STUM: variants seen among roughly 807,000 people sequenced by gnomAD.
STUM encodes the protein protein stum homolog.
A neutral mutation model predicts 15.3 loss-of-function variants in STUM; 8 were observed. That is an observed-to-expected ratio of 0.52 (90% CI 0.31 to 0.94). The LOEUF (loss-of-function observed/expected upper bound fraction) is 0.94. STUM is among the 40% of genes least tolerant of loss of function. The pLI, the probability that STUM is intolerant of heterozygous loss-of-function variation, is 0.05. For missense variants in STUM, 142 were observed against 204.9 expected (o/e 0.69, Z 1.87); for synonymous variants, 78 against 88.7 (o/e 0.88, Z 0.68).
chr1:226,574,022 G>A (rs1044302099), intron 1 of STUM, among the ~76,000 whole-genome samples: 1 of 152,170 alleles, frequency 6.6e-6, no homozygotes, highest in African/African-American at 2.4e-5. Flanking sequence ...TTTTAGTAGA[G>A]ATGGGGTTTT....
intron 1 of STUM, among the ~76,000 whole-genome samples, chr1:226,577,408 A>G (rs975518701): frequency 6.6e-6 from 1 of 152,182 alleles, no homozygotes; most frequent in African/African-American, 2.4e-5. Flanking sequence ...CATGGAGAAG[A>G]CCAGGAATGA....
Position 226,604,108 on chromosome 1 carries a change from C to T in STUM, c.*2068C>T, listed in dbSNP as rs1353925105. ...CACAGCCCCCAGAGTTTGCCCGACA[C>T]CCCCTGAGTGATGACAGGTCTCAGG... On this transcript the variant is annotated 3_prime_UTR_variant, in exon 4 of 4. Transcript: ENST00000366788. This position sits in a 1 kb window ranked among gnomAD's most constrained non-coding sequence, Gnocchi z 4.7. 1 of 152,194 alleles carries T rather than the reference C, an allele frequency of 6.6e-6. No homozygotes were observed. Among genetic ancestry groups the T allele is most frequent in the Non-Finnish European group, 1.5e-5 (1 of 68,052 alleles). 9.4% of individuals were successfully genotyped at this position (152,194 alleles called of 1,614,324 possible). A position where few individuals can be genotyped will look rare whatever the true frequency, so the allele number is the denominator to read the frequency against.
intron 1 of STUM, among the ~76,000 whole-genome samples, chr1:226,580,157 G>T (rs577026781): frequency 3.9e-5 from 6 of 152,274 alleles, no homozygotes; most frequent in Non-Finnish European, 7.4e-5. Flanking sequence ...TCTCAGATGG[G>T]CTGTGTGGGA....
chr1:226,587,801 T>G (rs577294481), intron 1 of STUM, among the ~76,000 whole-genome samples: 5 of 152,102 alleles, frequency 3.3e-5, no homozygotes, highest in African/African-American at 4.8e-5. Flanking sequence ...ATGGAAAGAT[T>G]TAAGCCATAA....
At position 226,592,345 on chromosome 1, in the gene STUM, A is replaced by C. The variant is rs581400; in HGVS notation, c.203-4457A>C. On this transcript the variant is annotated intron_variant, in intron 1 of 3. Coordinates refer to ENST00000366788, the MANE Select transcript of STUM (RefSeq NM_001003665.4). ...ATTACAGGCGTGAGCCACCACGCCC[A>C]GCCTTTTTCCTTATTTTTTAATGTA... Among the ~76,000 whole-genome samples the C allele has an allele frequency of 7.5e-4, 114 of 152,160 alleles. 1 individual carries two copies. The highest frequency in any genetic ancestry group is 2.6e-3 in the African/African-American group (110 of 41,526).
At chr1:226,575,141 G>A (rs1667788348) in intron 1 of STUM, among the ~76,000 whole-genome samples, 1 of 152,212 alleles carries the variant, frequency 6.6e-6, no homozygotes, top group Non-Finnish European at 1.5e-5. Context: ...GGAAGGGGCA[G>A]AGCTGGTGGG....
intron 2 of STUM, among the ~76,000 whole-genome samples, chr1:226,598,243 C>T (rs1177872169): frequency 2.0e-5 from 3 of 152,164 alleles, no homozygotes; most frequent in African/African-American, 7.2e-5. Context: ...GCTGCTTCCC[C>T]AGGGGCCTGT....
At chr1:226,574,306 T>C (rs1440014074) in intron 1 of STUM, among the ~76,000 whole-genome samples, 1 of 152,266 alleles carries the variant, frequency 6.6e-6, no homozygotes, top group Non-Finnish European at 1.5e-5. Context: ...ATTTGACTTT[T>C]TTAGATTCCA....
At position 226,603,594 on chromosome 1, in the gene STUM, G is replaced by C. The variant is rs1668306617; in HGVS notation, c.*1554G>C. ...AGAACTCCATGAGGGCAGGAGAAGG[G>C]ATTTTGCAGGATGAAAGTGCTTGGG... On this transcript the variant is annotated 3_prime_UTR_variant, in exon 4 of 4. Coordinates refer to ENST00000366788, the MANE Select transcript of STUM (RefSeq NM_001003665.4). 6.6e-6 allele frequency: 1 copy of C among 152,248 alleles called. No homozygotes were observed. Among genetic ancestry groups the C allele is most frequent in the East Asian group, 1.9e-4 (1 of 5,186 alleles). 9.4% of individuals were successfully genotyped at this position (152,248 alleles called of 1,614,324 possible).
At chr1:226,555,218 C>T (rs1437290104) in intron 1 of STUM, among the ~76,000 whole-genome samples, 1 of 152,208 alleles carries the variant, frequency 6.6e-6, no homozygotes, top group Admixed American at 6.5e-5. Context: ...CCTGTATTCA[C>T]ACCCGCAGTG....
chr1:226,560,386 C>T (rs1489158009), intron 1 of STUM, among the ~76,000 whole-genome samples: 5 of 152,198 alleles, frequency 3.3e-5, no homozygotes, highest in Admixed American at 2.6e-4. Flanking sequence ...CAGGAATCCA[C>T]GTCTCAGAAG....
chr1:226,571,925 G>A (rs1411929535), intron 1 of STUM, among the ~76,000 whole-genome samples: 1 of 152,154 alleles, frequency 6.6e-6, no homozygotes, highest in Non-Finnish European at 1.5e-5. Context: ...ACAGGCGTGA[G>A]CCACCACACC....
intron 1 of STUM, among the ~76,000 whole-genome samples, chr1:226,573,294 A>C (rs567525868): frequency 1.3e-5 from 2 of 152,342 alleles, no homozygotes; most frequent in African/African-American, 4.8e-5. Context: ...GCTTGTTGCC[A>C]TAAGTGAGTT....
intron 1 of STUM, among the ~76,000 whole-genome samples, chr1:226,551,365 G>T (rs555574982): frequency 6.6e-6 from 1 of 152,338 alleles, no homozygotes; most frequent in African/African-American, 2.4e-5. Context: ...GGGCAGCACT[G>T]CCCTCTGGAC....
At chr1:226,553,760 G>T (rs55847313) in intron 1 of STUM, among the ~76,000 whole-genome samples, 20,911 of 152,164 alleles carry the variant, frequency 0.14, 1,620 homozygotes, top group African/African-American at 0.21. Context: ...CTGCAGTAAA[G>T]AATATTTGCT....
At position 226,604,356 on chromosome 1, in the gene STUM, G is replaced by A. The variant is rs143530883; in HGVS notation, c.*2316G>A. On this transcript the variant is annotated 3_prime_UTR_variant, in exon 4 of 4. Transcript: ENST00000366788. The surrounding 1 kb of genome is among the most constrained non-coding windows in gnomAD (Gnocchi z 4.7). Reference sequence around the variant, plus strand: ...GTTTGTGTGTGTGGAGGGCCACTGCGCCCCCAGATCCTCCTCTCCCCCGAG... The same window carrying A: ...GTTTGTGTGTGTGGAGGGCCACTGCACCCCCAGATCCTCCTCTCCCCCGAG... The A allele has an allele frequency of 5.7e-4, 87 of 152,256 alleles. No individual in the cohort carries two copies. The East Asian group carries it at 0.016, about 27-fold the overall frequency. 9.4% of individuals were successfully genotyped at this position (152,256 alleles called of 1,614,324 possible). A position where few individuals can be genotyped will look rare whatever the true frequency, so the allele number is the denominator to read the frequency against.
chr1:226,566,722 C>CT lies in STUM; in HGVS notation c.202+17621dup, dbSNP rs34946797. ...CAGGATCAAGAGCCCTTTTAACTGA[C>CT]TTTTTGCCACCATGTCACAAAACAC... On this transcript the variant is annotated intron_variant, in intron 1 of 3. Transcript: ENST00000366788. Among the ~76,000 whole-genome samples the CT allele has an allele frequency of 6.8e-4, 103 of 152,292 alleles. 2 individuals carry two copies. In the East Asian group the frequency reaches 0.018, roughly 26 times the overall value.
chr1:226,578,899 C>T (rs1186903978), intron 1 of STUM, among the ~76,000 whole-genome samples: 1 of 152,198 alleles, frequency 6.6e-6, no homozygotes, highest in African/African-American at 2.4e-5. Context: ...AAAAGTCACA[C>T]TGAAGTATTA....
At chr1:226,581,237 T>C (rs2102701722) in intron 1 of STUM, among the ~76,000 whole-genome samples, 1 of 152,204 alleles carries the variant, frequency 6.6e-6, no homozygotes, top group East Asian at 1.9e-4. Flanking sequence ...TCTAGATGAG[T>C]AGCTAAATGC....
Sources: allele counts gnomAD v4.1 joint callset (sites outside exome capture counted in the v4.1 genomes callset), GRCh38; gene constraint gnomAD v4.1.1; non-coding constraint Gnocchi (gnomAD v3.1); transcripts MANE v1.5; gene names NCBI Gene and HGNC (gene_info 2026-07-23, HGNC 2026-07-21).